The following RALGPS1 variants were observed in gnomAD, a reference collection of about 807,000 sequenced individuals.
RALGPS1 encodes the protein ras-specific guanine nucleotide-releasing factor RalGPS1.
A neutral mutation model predicts 78.8 loss-of-function variants in RALGPS1; 19 were observed. The ratio of observed to expected loss-of-function variants is 0.24; its 90% CI spans 0.17 to 0.35. RALGPS1 has a LOEUF of 0.35. RALGPS1 is among the 10% of genes least tolerant of loss of function. The probability of loss-of-function intolerance (pLI) is 1.00; values close to 1 mark genes in which losing one functional copy is unlikely to be tolerated. For synonymous variants in RALGPS1, 228 were observed against 256.3 expected (o/e 0.89, Z 1.06); for missense variants, 454 against 688.3 (o/e 0.66, Z 3.81).
At chr9:126,965,084 C>T (rs1461818523) in intron 2 of RALGPS1, among the ~76,000 whole-genome samples, 2 of 152,268 alleles carry the variant, frequency 1.3e-5, no homozygotes, top group South Asian at 4.1e-4. Flanking sequence ...TGTTGAGATT[C>T]GTGAAATCAG....
intron 5 of RALGPS1, among the ~76,000 whole-genome samples, chr9:127,048,438 G>A (rs529541842): frequency 6.6e-6 from 1 of 152,222 alleles, no homozygotes; most frequent in Non-Finnish European, 1.5e-5. Context: ...TTCTAATACA[G>A]CGATTCCTTA....
At chr9:126,923,082 GATGAAC>G (rs1564256546) in intron 1 of RALGPS1, among the ~76,000 whole-genome samples, 1 of 152,158 alleles carries the variant, frequency 6.6e-6, no homozygotes, top group African/African-American at 2.4e-5. Flanking sequence ...GTGTTTATTG[GATGAAC>G]AAATGGAGTA....
intron 8 of RALGPS1, among the ~76,000 whole-genome samples, chr9:127,094,199 GC>G (rs2136514132): frequency 6.6e-6 from 1 of 152,222 alleles, no homozygotes; most frequent in East Asian, 1.9e-4. Flanking sequence ...CATTCTCCCA[GC>G]CCCCAGTTTC....
intron 8 of RALGPS1, among the ~76,000 whole-genome samples, chr9:127,089,465 AG>A (rs1430584535): frequency 6.6e-6 from 1 of 152,182 alleles, no homozygotes; most frequent in Non-Finnish European, 1.5e-5. Context: ...CTTGACACCT[AG>A]CCCAGGGCTG....
intron 4 of RALGPS1, among the ~76,000 whole-genome samples, chr9:127,005,572 T>G (rs1018603719): frequency 6.6e-6 from 1 of 150,556 alleles, no homozygotes; most frequent in Non-Finnish European, 1.5e-5. Context: ...TCTCAGGAGG[T>G]TTTTTTTTAT....
intron 8 of RALGPS1, among the ~76,000 whole-genome samples, chr9:127,134,814 C>T (rs1247935874): frequency 6.6e-6 from 1 of 152,186 alleles, no homozygotes; most frequent in South Asian, 2.1e-4. Context: ...CTGTTCAGAG[C>T]TTCTGAACAG....
intron 8 of RALGPS1, among the ~76,000 whole-genome samples, chr9:127,116,131 C>T (rs903723880): frequency 2.0e-5 from 3 of 152,190 alleles, no homozygotes; most frequent in African/African-American, 7.2e-5. Flanking sequence ...ATTGCTACTA[C>T]CTGTCATGGG....
chr9:127,099,469 T>G (rs2053503973), intron 8 of RALGPS1, among the ~76,000 whole-genome samples: 1 of 152,294 alleles, frequency 6.6e-6, no homozygotes, highest in Admixed American at 6.5e-5. Flanking sequence ...CCTACCCAAA[T>G]TAATGCATCT....
At chr9:126,938,624 A>G (rs1344388580) in intron 1 of RALGPS1, among the ~76,000 whole-genome samples, 1 of 152,228 alleles carries the variant, frequency 6.6e-6, no homozygotes, top group African/African-American at 2.4e-5. Context: ...GTACACCCCT[A>G]CTGGGTTTGG....
At position 127,136,239 on chromosome 9, in the gene RALGPS1, C is replaced by G. The variant is rs76454543; in HGVS notation, c.611-29830C>G. Among the ~76,000 whole-genome samples, 55 of 152,316 alleles carry G rather than the reference C, an allele frequency of 3.6e-4. No homozygotes were observed. The East Asian group carries it at 9.5e-3, about 26-fold the overall frequency. On this transcript the variant is annotated intron_variant, in intron 8 of 18. Transcript: ENST00000259351. The stretch of plus-strand genomic sequence containing the variant: ...GTGGCAGGAAGGGGCAGAAGCACCC[C>G]CTGAGCTCCAGCTGGCTGCAGCCCA...
At position 127,104,015 on chromosome 9, in the gene RALGPS1, AGTCC is replaced by A. The variant is rs146485620; in HGVS notation, c.610+34660_610+34663del. 3.3e-3 allele frequency among the ~76,000 whole-genome samples: 501 copies of A among 152,330 alleles called. 1 individual carries two copies. The highest frequency in any genetic ancestry group is 4.8e-3 in the Non-Finnish European group (325 of 68,026). On this transcript the variant is annotated intron_variant, in intron 8 of 18. Coordinates refer to ENST00000259351, the MANE Select transcript of RALGPS1 (RefSeq NM_014636.3). The stretch of plus-strand genomic sequence containing the variant: ...GAACCTCAATATCCTGCAAGGTACA[AGTCC>A]CAGGGTCGATCTCTGCTCTGCCACC...
chr9:126,982,868 T>C (rs1243732458), intron 4 of RALGPS1, among the ~76,000 whole-genome samples: 3 of 150,010 alleles, frequency 2.0e-5, no homozygotes, highest in Admixed American at 6.7e-5. Flanking sequence ...CTTCTTCTTC[T>C]TCTTCCTCTT....
intron 4 of RALGPS1, among the ~76,000 whole-genome samples, chr9:126,978,623 G>A (rs1286359644): frequency 6.8e-6 from 1 of 147,386 alleles, no homozygotes; most frequent in Non-Finnish European, 1.5e-5. Context: ...AAAAAAAAAA[G>A]TAGCTGAATA....
intron 14 of RALGPS1, among the ~76,000 whole-genome samples, chr9:127,202,800 C>G (rs572487443): frequency 1.3e-5 from 2 of 152,142 alleles, no homozygotes; most frequent in Admixed American, 1.3e-4. Context: ...ACCTAGTGTC[C>G]CTGGTCAGCA....
At chr9:126,966,826 G>T (rs901230176) in intron 3 of RALGPS1, among the ~76,000 whole-genome samples, 1 of 151,904 alleles carries the variant, frequency 6.6e-6, no homozygotes, top group Non-Finnish European at 1.5e-5. Context: ...TGTTGCTCCC[G>T]GTCTAACTAA....
At chr9:127,048,593 A>G (rs1174644649) in intron 5 of RALGPS1, among the ~76,000 whole-genome samples, 2 of 152,242 alleles carry the variant, frequency 1.3e-5, no homozygotes, top group Non-Finnish European at 2.9e-5. Context: ...CATGGACTGC[A>G]GTTCCAGAGT....
At chr9:127,068,573 G>A (rs2049913021) in intron 7 of RALGPS1, among the ~76,000 whole-genome samples, 1 of 152,182 alleles carries the variant, frequency 6.6e-6, no homozygotes, top group Non-Finnish European at 1.5e-5. Context: ...ACAATGACAA[G>A]ATTGAAGCTT....
In RALGPS1 at chr9:127,054,996, T is replaced by TGAGAGAGAGAGA. The variant is rs10555826; in HGVS notation, c.483+2090_483+2101dup. Among the ~76,000 whole-genome samples the TGAGAGAGAGAGA allele has an allele frequency of 4.0e-3, 562 of 139,142 alleles. 1 individual carries two copies. The highest frequency in any genetic ancestry group is 4.8e-3 in the Non-Finnish European group (312 of 64,714). The allele number at this position is 139,142 out of a possible 152,430, so 91.3% of individuals were successfully genotyped here. On this transcript the variant is annotated intron_variant, in intron 7 of 18. Transcript: ENST00000259351. Reference sequence around the variant, plus strand: ...CTCTGAAAAAGAGAGAGAGATTGATTGAGAGAGAGAGAGAGAGAGAGAGAG... The same window carrying TGAGAGAGAGAGA: ...CTCTGAAAAAGAGAGAGAGATTGATTGAGAGAGAGAGAGAGAGAGAGAGAGAGAGAGAGAGAG...
chr9:127,053,154 G>T (rs2048434087), intron 7 of RALGPS1, among the ~76,000 whole-genome samples: 1 of 152,168 alleles, frequency 6.6e-6, no homozygotes, highest in African/African-American at 2.4e-5. Flanking sequence ...CGTGGCTGGG[G>T]TCAGAAGCCC....
Sources: allele counts gnomAD v4.1 joint callset (sites outside exome capture counted in the v4.1 genomes callset), GRCh38; gene constraint gnomAD v4.1.1; transcripts MANE v1.5; gene names NCBI Gene and HGNC (gene_info 2026-07-23, HGNC 2026-07-21).